Variants in PIP5K1B observed in about 807,000 individuals in gnomAD.
PIP5K1B encodes the protein phosphatidylinositol-4-phosphate 5-kinase type 1 beta.
Under a neutral mutation model 67.0 loss-of-function variants are expected in PIP5K1B, and 42 were observed. The ratio of observed to expected loss-of-function variants is 0.63; its 90% confidence interval spans 0.49 to 0.81. The LOEUF is 0.81. Among genes scored for constraint, PIP5K1B ranks in the 30% least tolerant of loss-of-function variants. PIP5K1B has a pLI of 0.00. For missense variants in PIP5K1B, 459 were observed against 646.3 expected (o/e 0.71, Z 3.14); for synonymous variants, 214 against 231.4 (o/e 0.92, Z 0.68).
At chr9:68,725,018 T>A (rs542122390) in intron 1 of PIP5K1B, among the ~76,000 whole-genome samples, 1 of 152,192 alleles carries the variant, frequency 6.6e-6, no homozygotes, top group African/African-American at 2.4e-5. Context: ...AAAAGTGAAT[T>A]AGCAAGAAGA....
chr9:68,790,772 T>C (rs148367893), intron 2 of PIP5K1B, among the ~76,000 whole-genome samples: 1 of 152,320 alleles, frequency 6.6e-6, no homozygotes, highest in African/African-American at 2.4e-5. Context: ...CATATACCTA[T>C]GTAGGTACTA....
intron 1 of PIP5K1B, among the ~76,000 whole-genome samples, chr9:68,708,308 G>A (rs1356020376): frequency 6.6e-6 from 1 of 152,164 alleles, no homozygotes; most frequent in Admixed American, 6.5e-5. Context: ...AATTAATGAA[G>A]GGGGTGAATG....
At chr9:68,837,803 T>C (rs1821702678) in intron 4 of PIP5K1B, among the ~76,000 whole-genome samples, 2 of 151,898 alleles carry the variant, frequency 1.3e-5, no homozygotes, top group South Asian at 4.1e-4. Flanking sequence ...TTACATTTTT[T>C]CCCTCTAATT....
chr9:68,720,818 C>T (rs1197471770), intron 1 of PIP5K1B, among the ~76,000 whole-genome samples: 2 of 152,168 alleles, frequency 1.3e-5, no homozygotes, highest in Admixed American at 6.5e-5. Flanking sequence ...TTGTCACTGC[C>T]GTGGCAGGAA....
intron 6 of PIP5K1B, among the ~76,000 whole-genome samples, chr9:68,884,964 A>G (rs1490506785): frequency 6.6e-6 from 1 of 152,250 alleles, no homozygotes; most frequent in Non-Finnish European, 1.5e-5. Flanking sequence ...CTGGGTATCT[A>G]TCCAAAGCAA....
At chr9:68,968,715 A>ATATAT (rs779031015) in intron 14 of PIP5K1B, among the ~76,000 whole-genome samples, 1 of 142,212 alleles carries the variant, frequency 7.0e-6, no homozygotes, top group African/African-American at 2.6e-5. Flanking sequence ...ATATATATAT[A>ATATAT]TTTTTTTTTT....
chr9:68,751,500 G>A (rs1183097102), intron 2 of PIP5K1B, among the ~76,000 whole-genome samples: 3 of 152,194 alleles, frequency 2.0e-5, no homozygotes, highest in Non-Finnish European at 4.4e-5. Flanking sequence ...AGATTGAGAT[G>A]AGAGAATAGA....
chr9:68,852,364 T>C lies in PIP5K1B; in HGVS notation c.70-11473T>C, dbSNP rs1464786170. Among the ~76,000 whole-genome samples the C allele has an allele frequency of 5.6e-5, 8 of 143,516 alleles. 1 individual carries two copies. The highest frequency in any genetic ancestry group is 2.4e-4 in the South Asian group (1 of 4,134). The allele number at this position is 143,516 out of a possible 152,430, so 94.2% of individuals were successfully genotyped here. A position where few individuals can be genotyped will look rare whatever the true frequency, so the allele number is the denominator to read the frequency against. On this transcript the variant is annotated intron_variant, in intron 4 of 15. Coordinates refer to ENST00000265382, the MANE Select transcript of PIP5K1B (RefSeq NM_003558.4). Reference sequence around the variant, plus strand: ...CTCCCCCACACCGCCCCCCAAGCCATAAAAAGGTAAGAGAATGGCACTATT... The same window carrying C: ...CTCCCCCACACCGCCCCCCAAGCCACAAAAAGGTAAGAGAATGGCACTATT...
At chr9:69,006,453 C>T (rs895401020) in intron 15 of PIP5K1B, among the ~76,000 whole-genome samples, 5 of 152,142 alleles carry the variant, frequency 3.3e-5, no homozygotes, top group Non-Finnish European at 5.9e-5. Context: ...ACTCACCTCC[C>T]GACCCCAGGA....
chr9:68,951,529 G>A (rs1165271420), intron 14 of PIP5K1B, among the ~76,000 whole-genome samples: 1 of 152,064 alleles, frequency 6.6e-6, no homozygotes, highest in Non-Finnish European at 1.5e-5. Context: ...CCAGGTATTC[G>A]AAGGCCAGGT....
chr9:68,992,370 A>G (rs1317330044), intron 15 of PIP5K1B, among the ~76,000 whole-genome samples: 1 of 152,100 alleles, frequency 6.6e-6, no homozygotes, highest in African/African-American at 2.4e-5. Flanking sequence ...CCTGGTGTAC[A>G]AGTGCAACTT....
intron 1 of PIP5K1B, among the ~76,000 whole-genome samples, chr9:68,739,604 A>AT (rs1828904866): frequency 1.3e-5 from 2 of 152,142 alleles, no homozygotes; most frequent in Non-Finnish European, 2.9e-5. Context: ...GGTTGGAGGA[A>AT]TGTTTTGCAG....
At chr9:68,953,618 C>A (rs1005957763) in intron 14 of PIP5K1B, among the ~76,000 whole-genome samples, 2 of 151,928 alleles carry the variant, frequency 1.3e-5, no homozygotes, top group East Asian at 3.9e-4. Flanking sequence ...GAGTTCGAGA[C>A]CAGCCTGGGC....
At chr9:68,789,156 C>T in intron 2 of PIP5K1B, 1 of 578,452 alleles carries the variant, frequency 1.7e-6, no homozygotes. Context: ...CACCCCAGTA[C>T]CTCGCCAAGG....
chr9:68,771,615 G>A (rs1027833532), intron 2 of PIP5K1B, among the ~76,000 whole-genome samples: 5 of 152,238 alleles, frequency 3.3e-5, no homozygotes, highest in African/African-American at 4.8e-5. Context: ...CCTAGAAATC[G>A]AATGAGTTAA....
chr9:68,888,910 A>C, intron 6 of PIP5K1B, 71 bp from the exon 7 acceptor site: 1 of 1,066,204 alleles, frequency 9.4e-7, no homozygotes, highest in Non-Finnish European at 1.4e-6. Context: ...GTGCAATGCT[A>C]TGATTGTCCT....
intron 1 of PIP5K1B, among the ~76,000 whole-genome samples, chr9:68,739,544 A>G (rs916883879): frequency 6.6e-6 from 1 of 152,278 alleles, no homozygotes; most frequent in Admixed American, 6.5e-5. Flanking sequence ...ATATTTAAAC[A>G]TAAATTTCAG....
intron 8 of PIP5K1B, among the ~76,000 whole-genome samples, chr9:68,895,570 C>G (rs1786543336): frequency 6.6e-6 from 1 of 151,634 alleles, no homozygotes; most frequent in South Asian, 2.1e-4. Context: ...CAGTCTGACA[C>G]CCCTTCTAAG....
At chr9:68,714,148 C>G (rs2132244837) in intron 1 of PIP5K1B, among the ~76,000 whole-genome samples, 1 of 152,346 alleles carries the variant, frequency 6.6e-6, no homozygotes, top group African/African-American at 2.4e-5. Flanking sequence ...TCTCTGAACT[C>G]TAGTTTGCAT....
Sources: allele counts gnomAD v4.1 joint callset (sites outside exome capture counted in the v4.1 genomes callset), GRCh38; gene constraint gnomAD v4.1.1; transcripts MANE v1.5; gene names NCBI Gene and HGNC (gene_info 2026-07-23, HGNC 2026-07-21).